CTR9: variants seen among roughly 807,000 people sequenced by gnomAD.
CTR9 encodes CTR9 component of Paf1/RNA polymerase II complex.
A neutral mutation model predicts 152.1 loss-of-function variants in CTR9; 41 were observed. The ratio of observed to expected loss-of-function variants is 0.27; its 90% confidence interval spans 0.21 to 0.35. The LOEUF (loss-of-function observed/expected upper bound fraction) is 0.35. CTR9 is among the 10% of genes least tolerant of loss of function. CTR9 has a pLI of 1.00. For missense variants in CTR9, 917 were observed against 1,424.4 expected, an observed-to-expected ratio of 0.64 and a Z score of 5.73; for synonymous variants, 476 against 496.2, an observed-to-expected ratio of 0.96 and a Z score of 0.54.
At chr11:10,773,933 G>A in intron 21 of CTR9, 79 bp from the exon 22 acceptor site, 3 of 885,756 alleles carry the variant, frequency 3.4e-6, no homozygotes, top group South Asian at 2.0e-5. Context: ...AATGGATATG[G>A]CCCCTTTCTG....
rs1863074604 is a variant in CTR9, at chr11:10,767,228, A to G, written c.1687-578A>G. 6.5e-6 allele frequency: 1 copy of G among 152,784 alleles called. No individual in the cohort carries two copies. The highest frequency in any genetic ancestry group is 1.5e-5 in the Non-Finnish European group (1 of 68,162). The allele number at this position is 152,784 out of a possible 1,614,324, so 9.5% of individuals were successfully genotyped here. A position where few individuals can be genotyped will look rare whatever the true frequency, so the allele number is the denominator to read the frequency against. On this transcript the variant is annotated intron_variant, in intron 13 of 24. Coordinates refer to ENST00000361367, the MANE Select transcript of CTR9 (RefSeq NM_014633.5). The surrounding 1 kb of genome is among the most constrained non-coding windows in gnomAD (Gnocchi z 4.0). ...CATTTTCAGGCTTCTGCAGCTGTAGATTCTCACTGTGAATCCCATGCTTGC... is the reference window on the plus strand; with the variant it reads ...CATTTTCAGGCTTCTGCAGCTGTAGGTTCTCACTGTGAATCCCATGCTTGC...
intron 1 of CTR9, 122 bp from the exon 2 acceptor site, chr11:10,752,550 C>T (rs1321058428): frequency 1.5e-5 from 10 of 676,244 alleles, no homozygotes; most frequent in South Asian, 3.5e-5. Context: ...TTAGCTCAAC[C>T]GTATTGAAAG....
At chr11:10,778,507 A>G (rs1863277031) in intron 24 of CTR9, among the ~76,000 whole-genome samples, 172 bp from the exon 25 acceptor site, 1 of 152,178 alleles carries the variant, frequency 6.6e-6, no homozygotes, top group African/African-American at 2.4e-5. Flanking sequence ...AATATATCAC[A>G]TTTACAGAAT....
intron 12 of CTR9, among the ~76,000 whole-genome samples, chr11:10,765,619 G>A (rs1046249673): frequency 6.6e-6 from 1 of 152,038 alleles, no homozygotes; most frequent in Admixed American, 6.6e-5. Flanking sequence ...CCACGACTAC[G>A]TCCGACTAAT....
chr11:10,761,964 T>C lies in CTR9; in HGVS notation c.759T>C (p.Asn253=). 2 of 1,607,296 alleles carry C rather than the reference T, an allele frequency of 1.2e-6. No homozygotes were observed. Among genetic ancestry groups the C allele is most frequent in the Non-Finnish European group, 1.7e-6 (2 of 1,177,016 alleles). The change falls in exon 7 of 25, where the codon AAT becomes AAC. Residue 253 remains asparagine, a synonymous_variant. Transcript: ENST00000361367. ...LNNKEADSIK[N]GVQLLSRAYT... The stretch of plus-strand genomic sequence containing the variant: ...TCTTTTAGGCTGATTCCATTAAAAA[T>C]GGTGTCCAGCTTCTTTCCAGAGCCT...
chr11:10,779,149 T>G lies in CTR9; in HGVS notation c.*44T>G. ...GCTTCATCTCTGGAGGAAACTTTTT[T>G]AATATATGAAAGCTGTGATAAAAAT... On this transcript the variant is annotated 3_prime_UTR_variant, in exon 25 of 25. Coordinates refer to ENST00000361367, the MANE Select transcript of CTR9 (RefSeq NM_014633.5). 1 of 1,520,628 alleles carries G rather than the reference T, an allele frequency of 6.6e-7. No homozygotes were observed. Among genetic ancestry groups the G allele is most frequent in the East Asian group, 2.3e-5 (1 of 43,988 alleles). The allele number at this position is 1,520,628 out of a possible 1,614,324, so 94.2% of individuals were successfully genotyped here. A position where few individuals can be genotyped will look rare whatever the true frequency, so the allele number is the denominator to read the frequency against.
Position 10,774,154 on chromosome 11 carries a change from A to G in CTR9, c.2870A>G (p.Lys957Arg). Residue 957 changes from lysine (K) to arginine (R), a missense_variant, in exon 22 of 25, where the codon AAG becomes AGG. Lys to Arg is a conservative substitution (Grantham distance 26). Transcript: ENST00000361367. ...GATGAGGAGGGTGGTGAGAGAAAGA[A>G]GAAAAAGAGGAGAAGGTAATGTCAT... Reference protein sequence around the residue: ...GEDEEGGERKKKKRRRHPKGE... With the variant: ...GEDEEGGERKRKKRRRHPKGE... 6.2e-7 allele frequency: 1 copy of G among 1,609,216 alleles called. No homozygotes were observed. Among genetic ancestry groups the G allele is most frequent in the Admixed American group, 1.7e-5 (1 of 59,172 alleles).
intron 1 of CTR9, among the ~76,000 whole-genome samples, 164 bp downstream of exon 1, chr11:10,751,621 C>A (rs1042795003): frequency 6.6e-6 from 1 of 152,066 alleles, no homozygotes. Flanking sequence ...GCCCCTGTGC[C>A]CTCTCAGGCT....
At chr11:10,770,679 T>C (rs1169141978) in intron 18 of CTR9, 47 bp downstream of exon 18, 7 of 1,547,830 alleles carry the variant, frequency 4.5e-6, no homozygotes, top group South Asian at 1.2e-5. Flanking sequence ...ATTTGGTCTA[T>C]GACCATACCA....
chr11:10,755,735 G>T lies in CTR9; in HGVS notation c.442G>T (p.Ala148Ser), dbSNP rs775585596. 1.2e-6 allele frequency: 2 copies of T among 1,613,644 alleles called. No homozygotes were observed. Among genetic ancestry groups the T allele is most frequent in the Non-Finnish European group, 1.7e-6 (2 of 1,179,728 alleles). Reference protein sequence around the residue: ...CLLEGDKMDQADAQFHFVLNQ... With the variant: ...CLLEGDKMDQSDAQFHFVLNQ... ...ACTTGAGGGTGACAAAATGGATCAAGCTGATGCACAGTTTCATTTTGTACT... is the reference window on the plus strand; with the variant it reads ...ACTTGAGGGTGACAAAATGGATCAATCTGATGCACAGTTTCATTTTGTACT... The change falls in exon 4 of 25, where the codon GCT (alanine) becomes TCT (serine). Residue 148 changes from alanine to serine, a missense_variant. Physicochemically the swap from Ala to Ser is moderately conservative, Grantham distance 99. Transcript: ENST00000361367.
intron 19 of CTR9, among the ~76,000 whole-genome samples, 194 bp from the exon 20 acceptor site, chr11:10,772,326 C>T (rs763541051): frequency 6.6e-6 from 1 of 152,002 alleles, no homozygotes; most frequent in African/African-American, 2.4e-5. Flanking sequence ...TACACTCTAA[C>T]CTAGGCAACA....
intron 24 of CTR9, 99 bp downstream of exon 24, chr11:10,775,732 TC>T (rs1863222520): frequency 1.8e-5 from 2 of 109,468 alleles, no homozygotes; most frequent in East Asian, 2.2e-3. Flanking sequence ...TACTTTTCTT[TC>T]TTTTTCTTTA....
chr11:10,751,527 C>A, intron 1 of CTR9, 70 bp downstream of exon 1: 1 of 1,482,262 alleles, frequency 6.7e-7, no homozygotes, highest in Non-Finnish European at 9.4e-7. Context: ...CTTCGCTCGA[C>A]TTCGTTTCTG....
Position 10,751,378 on chromosome 11 carries a change from C to T in CTR9, c.-35C>T, listed in dbSNP as rs768785502. ...GCGGAGACTACCGGCTGCGGAGCGG[C>T]GGGGCGAGACACTTGCTCGCCTTTT... On this transcript the variant is annotated 5_prime_UTR_variant, in exon 1 of 25. Transcript: ENST00000361367. 1 of 1,595,414 alleles carries T rather than the reference C, an allele frequency of 6.3e-7. No homozygotes were observed. The highest frequency in any genetic ancestry group is 1.1e-5 in the South Asian group (1 of 88,410).
At position 10,779,024 on chromosome 11, in the gene CTR9, TGGAAATGAATC is replaced by T; in HGVS notation, c.3446_3456del (p.Asn1149ThrfsTer7). On this transcript the variant is annotated frameshift_variant, in exon 25 of 25. Coordinates refer to ENST00000361367, the MANE Select transcript of CTR9 (RefSeq NM_014633.5). LOFTEE classifies it high-confidence loss of function. ...ATAATGAGGGTTCTGGCCAAGGCTC[TGGAAATGAATC>T]GGAACCAGAGGGATCCAACAATGAG... 1 of 1,614,168 alleles carries T rather than the reference TGGAAATGAATC, an allele frequency of 6.2e-7. No individual in the cohort carries two copies. The highest frequency in any genetic ancestry group is 8.5e-7 in the Non-Finnish European group (1 of 1,180,036).
At chr11:10,768,250 G>A in intron 15 of CTR9, 89 bp downstream of exon 15, 1 of 1,569,644 alleles carries the variant, frequency 6.4e-7, no homozygotes, top group Non-Finnish European at 8.7e-7. Flanking sequence ...TTCTTAAAAT[G>A]TGATCAATGT....
chr11:10,777,991 C>T (rs1197456857), intron 24 of CTR9, among the ~76,000 whole-genome samples: 1 of 152,178 alleles, frequency 6.6e-6, no homozygotes, highest in Non-Finnish European at 1.5e-5. Flanking sequence ...GGTGCTGCCA[C>T]CATTCTAAGC....
intron 5 of CTR9, among the ~76,000 whole-genome samples, chr11:10,759,794 A>G (rs1862947393): frequency 6.6e-6 from 1 of 152,214 alleles, no homozygotes; most frequent in African/African-American, 2.4e-5. Context: ...GAAAGGAACA[A>G]TGGTATGTGC....
intron 19 of CTR9, 163 bp from the exon 20 acceptor site, chr11:10,772,357 A>C (rs2135380984): frequency 1.8e-6 from 1 of 568,364 alleles, no homozygotes; most frequent in Non-Finnish European, 2.6e-6. Context: ...TCTGTCTCTT[A>C]AACAAAAAAG....
Sources: gnomAD v4.1 joint callset for allele counts (sites outside exome capture counted in the v4.1 genomes callset) on GRCh38, gnomAD v4.1.1 for gene constraint, Gnocchi (gnomAD v3.1) non-coding constraint, MANE v1.5 for transcripts, NCBI Gene and HGNC (gene_info 2026-07-23, HGNC 2026-07-21) for gene names.